Variants in CHD9 observed in about 807,000 individuals in gnomAD.
CHD9 encodes chromodomain helicase DNA binding protein 9.
In CHD9, 77 loss-of-function variants were observed where a neutral mutation model predicts 316.1. That is an observed-to-expected ratio of 0.24 (90% CI 0.20 to 0.29). The LOEUF (loss-of-function observed/expected upper bound fraction) is 0.29, where lower values mean the gene tolerates loss of function less well. Ranked by LOEUF, CHD9 falls within the 10% of genes least tolerant of loss-of-function variation. The probability of loss-of-function intolerance (pLI) is 1.00; values close to 1 mark genes in which losing one functional copy is unlikely to be tolerated. For synonymous variants in CHD9, 1,129 were observed against 1,158.3 expected, an observed-to-expected ratio of 0.97 and a Z score of 0.51; for missense variants, 2,763 against 3,438.1, an observed-to-expected ratio of 0.80 and a Z score of 4.91.
chr16:53,289,353 A>C (rs905155249), intron 27 of CHD9, among the ~76,000 whole-genome samples: 3 of 152,130 alleles, frequency 2.0e-5, no homozygotes, highest in Non-Finnish European at 4.4e-5. Context: ...CCAGGAGTTC[A>C]AGACCAACCT....
chr16:53,085,740 G>A (rs528411426), intron 1 of CHD9, among the ~76,000 whole-genome samples: 6 of 152,292 alleles, frequency 3.9e-5, no homozygotes, highest in African/African-American at 1.4e-4. Flanking sequence ...TCAGATAAAA[G>A]GAGCAGATGG....
At chr16:53,101,622 A>C (rs557452573) in intron 1 of CHD9, among the ~76,000 whole-genome samples, 1 of 152,216 alleles carries the variant, frequency 6.6e-6, no homozygotes, top group Non-Finnish European at 1.5e-5. Flanking sequence ...TTAGGCAACT[A>C]TAGGAGCAAA....
chr16:53,193,436 G>A (rs2044638746), intron 2 of CHD9, among the ~76,000 whole-genome samples: 1 of 150,974 alleles, frequency 6.6e-6, no homozygotes, highest in Admixed American at 6.6e-5. Flanking sequence ...GTGACAGAGT[G>A]AGACTCTGTC....
intron 2 of CHD9, among the ~76,000 whole-genome samples, chr16:53,173,270 A>T (rs755783303): frequency 2.0e-5 from 3 of 152,066 alleles, no homozygotes; most frequent in Non-Finnish European, 4.4e-5. Context: ...TTGGTAGTTC[A>T]TGCTTTTCAA....
Position 53,142,403 on chromosome 16 carries a change from G to A in CHD9, c.-164-13523G>A, listed in dbSNP as rs950814097. Among the ~76,000 whole-genome samples, 7 of 152,200 alleles carry A rather than the reference G, an allele frequency of 4.6e-5. No individual in the cohort carries two copies. The East Asian group carries it at 9.7e-4, about 21-fold the overall frequency. On this transcript the variant is annotated intron_variant, in intron 1 of 38. Coordinates refer to ENST00000447540, the MANE Select transcript of CHD9 (RefSeq NM_001308319.2). ...AGGCGTGAGCCACTGCGCCCATCCC[G>A]AATATTTTCTTTCTGAACTCTGCAA...
At position 53,217,881 on chromosome 16, in the gene CHD9, G is replaced by A. The variant is rs182812022; in HGVS notation, c.1785-4763G>A. Among the ~76,000 whole-genome samples, 501 of 150,858 alleles carry A rather than the reference G, an allele frequency of 3.3e-3. 2 individuals carry two copies. Among genetic ancestry groups the A allele is most frequent in the Non-Finnish European group, 5.3e-3 (356 of 67,724 alleles). The stretch of plus-strand genomic sequence containing the variant: ...CAGTCTACCAAGTAGCTAGAACTAC[G>A]GGTGCATACCACTGCGCCTGGCTTA... On this transcript the variant is annotated intron_variant, in intron 3 of 38. Transcript: ENST00000447540.
intron 1 of CHD9, among the ~76,000 whole-genome samples, chr16:53,147,038 T>G (rs1384035553): frequency 2.0e-5 from 3 of 152,240 alleles, no homozygotes; most frequent in Non-Finnish European, 4.4e-5. Flanking sequence ...TGTGCTACTA[T>G]TTAGTAGATA....
At chr16:53,099,620 A>T (rs925474669) in intron 1 of CHD9, among the ~76,000 whole-genome samples, 3 of 152,072 alleles carry the variant, frequency 2.0e-5, no homozygotes, top group Non-Finnish European at 2.9e-5. Context: ...TCAGCCAGAC[A>T]GAGGCAACCT....
rs932667282 is a variant in CHD9, at chr16:53,101,912, C to G, written c.-165+46835C>G. ...GTCGTCTCCATCATGAACTCCACAT[C>G]TGAAATTTGTAGAGAGATCATATGT... is the stretch of plus-strand genomic sequence containing the variant. On this transcript the variant is annotated intron_variant, in intron 1 of 38. Coordinates refer to ENST00000447540, the MANE Select transcript of CHD9 (RefSeq NM_001308319.2). Among the ~76,000 whole-genome samples the G allele has an allele frequency of 8.5e-5, 13 of 152,230 alleles. No individual in the cohort carries two copies. The East Asian group carries it at 2.3e-3, about 27-fold the overall frequency.
chr16:53,259,210 T>A (rs1014627715), intron 19 of CHD9, among the ~76,000 whole-genome samples: 1 of 152,216 alleles, frequency 6.6e-6, no homozygotes, highest in South Asian at 2.1e-4. Flanking sequence ...TATATGTCAG[T>A]TAGCAAAAGC....
chr16:53,306,242 A>C lies in CHD9; in HGVS notation c.6625A>C (p.Thr2209Pro). 2 of 1,541,088 alleles carry C rather than the reference A, an allele frequency of 1.3e-6. No homozygotes were observed. The highest frequency in any genetic ancestry group is 1.4e-5 in the African/African-American group (1 of 71,418). Residue 2209 changes from threonine to proline, a missense_variant, in exon 32 of 39, where the codon ACT becomes CCT. By Grantham distance (38) the Thr-to-Pro change is conservative. Coordinates refer to ENST00000447540, the MANE Select transcript of CHD9 (RefSeq NM_001308319.2). Reference sequence around the variant, plus strand: ...ATTATAATTGTTTTTAGCAGAAAGTACTACTCACATGAAAGCCTATGATGA... The same window carrying C: ...ATTATAATTGTTTTTAGCAGAAAGTCCTACTCACATGAAAGCCTATGATGA... Reference protein sequence around the residue: ...DEEEAQKRESTTHMKAYDEES... With the variant: ...DEEEAQKRESPTHMKAYDEES...
chr16:53,148,168 T>C (rs2040792470), intron 1 of CHD9, among the ~76,000 whole-genome samples: 1 of 152,162 alleles, frequency 6.6e-6, no homozygotes, highest in Admixed American at 6.5e-5. Flanking sequence ...GATCGCACTG[T>C]TGCACTCCAG....
At position 53,181,010 on chromosome 16, in the gene CHD9, AT is replaced by A. The variant is rs202227552; in HGVS notation, c.1452+23486del. Among the ~76,000 whole-genome samples the A allele has an allele frequency of 5.9e-3, 788 of 133,102 alleles. 2 individuals carry two copies. Among genetic ancestry groups the A allele is most frequent in the African/African-American group, 8.5e-3 (309 of 36,244 alleles). The allele number at this position is 133,102 out of a possible 152,430, so 87.3% of individuals were successfully genotyped here. A position where few individuals can be genotyped will look rare whatever the true frequency, so the allele number is the denominator to read the frequency against. ...ATCTCTAATAAGTATGAGAGACACGATTTTTTTTTTTTTTTTTGAGACAGAG... is the reference window on the plus strand; with the variant it reads ...ATCTCTAATAAGTATGAGAGACACGATTTTTTTTTTTTTTTTGAGACAGAG... On this transcript the variant is annotated intron_variant, in intron 2 of 38. Coordinates refer to ENST00000447540, the MANE Select transcript of CHD9 (RefSeq NM_001308319.2).
chr16:53,163,612 A>G (rs1597232178), intron 2 of CHD9, among the ~76,000 whole-genome samples: 1 of 152,332 alleles, frequency 6.6e-6, no homozygotes, highest in African/African-American at 2.4e-5. Context: ...TACATTTTCC[A>G]TGGCATTAAG....
At position 53,108,287 on chromosome 16, in the gene CHD9, A is replaced by G. The variant is rs550006823; in HGVS notation, c.-164-47639A>G. 1.2e-4 allele frequency among the ~76,000 whole-genome samples: 19 copies of G among 152,232 alleles called. 1 individual carries two copies. The East Asian group carries it at 3.5e-3, about 28-fold the overall frequency. On this transcript the variant is annotated intron_variant, in intron 1 of 38. Coordinates refer to ENST00000447540, the MANE Select transcript of CHD9 (RefSeq NM_001308319.2). ...GAGGTTGAAGTGGGTGGATCACTTG[A>G]GCTCATGAGTTTGAGACCAGCCTGG...
chr16:53,065,273 A>G (rs941518712), intron 1 of CHD9, among the ~76,000 whole-genome samples: 1 of 152,114 alleles, frequency 6.6e-6, no homozygotes, highest in Non-Finnish European at 1.5e-5. Context: ...TGTGGTAGAA[A>G]TGTCTGATCA....
In CHD9 at chr16:53,055,387, G is replaced by T. The variant is rs181888590; in HGVS notation, c.-165+310G>T. Among the ~76,000 whole-genome samples, 119 of 152,276 alleles carry T rather than the reference G, an allele frequency of 7.8e-4. 1 individual carries two copies. Among genetic ancestry groups the T allele is most frequent in the African/African-American group, 2.7e-3 (111 of 41,564 alleles). On this transcript the variant is annotated intron_variant, in intron 1 of 38. Transcript: ENST00000447540. Reference sequence around the variant, plus strand: ...CTGTCGCCCAGAGCCACTCCAGGGTGGCAGCCGAGTGCTGATAAGGTCCAG... The same window carrying T: ...CTGTCGCCCAGAGCCACTCCAGGGTTGCAGCCGAGTGCTGATAAGGTCCAG...
At chr16:53,147,004 A>G (rs2040685943) in intron 1 of CHD9, among the ~76,000 whole-genome samples, 1 of 152,196 alleles carries the variant, frequency 6.6e-6, no homozygotes, top group Non-Finnish European at 1.5e-5. Flanking sequence ...ATTTTCATGA[A>G]TAAATACTTA....
chr16:53,167,194 A>G (rs920589252), intron 2 of CHD9, among the ~76,000 whole-genome samples: 3 of 152,164 alleles, frequency 2.0e-5, no homozygotes, highest in African/African-American at 7.2e-5. Context: ...GTCAATTTTA[A>G]TGTCTAAATT....
Sources: allele counts gnomAD v4.1 joint callset (sites outside exome capture counted in the v4.1 genomes callset), GRCh38; gene constraint gnomAD v4.1.1; transcripts MANE v1.5; gene names NCBI Gene and HGNC (gene_info 2026-07-23, HGNC 2026-07-21).